The following RAB6B variants were observed in gnomAD, a reference collection of about 807,000 sequenced individuals.
RAB6B encodes RAB6B, member RAS oncogene family.
RAB6B carries 7 observed loss-of-function variants against 31.2 expected under a neutral mutation model. The ratio of observed to expected loss-of-function variants is 0.22; its 90% confidence interval spans 0.13 to 0.42. The LOEUF (loss-of-function observed/expected upper bound fraction) is 0.42. RAB6B is among the 10% of genes least tolerant of loss of function. The pLI is 1.00. For synonymous variants in RAB6B, 105 were observed against 104.9 expected (o/e 1.00, Z -0.01); for missense variants, 149 against 280.6 (o/e 0.53, Z 3.35).
chr3:133,850,331 T>C (rs1935960122), intron 2 of RAB6B, among the ~76,000 whole-genome samples: 1 of 152,082 alleles, frequency 6.6e-6, no homozygotes, highest in South Asian at 2.1e-4. Context: ...AATAAGAAAA[T>C]GTCAGCCATA....
intron 1 of RAB6B, among the ~76,000 whole-genome samples, chr3:133,876,307 G>A (rs747221260): frequency 6.6e-6 from 1 of 152,192 alleles, no homozygotes; most frequent in Non-Finnish European, 1.5e-5. Flanking sequence ...CAGCATAGGA[G>A]CTGTGTCTCC....
rs200646862 is a variant in RAB6B, at chr3:133,864,578, C to T, written c.129+6G>A. On this transcript the variant is annotated splice_donor_region_variant and intron_variant, in intron 2 of 7. Coordinates refer to ENST00000285208, the MANE Select transcript of RAB6B (RefSeq NM_016577.4). ...TGATATGGAGGGTGAGCACCCAGGA[C>T]CTCACCTGGTATGTGTTGTCGAAGC... 5.6e-6 allele frequency: 9 copies of T among 1,613,224 alleles called. No homozygotes were observed. The highest frequency in any genetic ancestry group is 7.6e-6 in the Non-Finnish European group (9 of 1,179,272).
chr3:133,864,548 C>A, intron 2 of RAB6B, 36 bp downstream of exon 2: 1 of 1,601,610 alleles, frequency 6.2e-7, no homozygotes, highest in Non-Finnish European at 8.6e-7. Context: ...TCAGCCACTG[C>A]CAGATGATAT....
intron 1 of RAB6B, among the ~76,000 whole-genome samples, chr3:133,886,639 C>T (rs7634038): frequency 0.095 from 14,439 of 152,158 alleles, 1,311 homozygotes; most frequent in African/African-American, 0.24. Context: ...GGCAGACCTT[C>T]GCTTTCTTTA....
intron 1 of RAB6B, among the ~76,000 whole-genome samples, chr3:133,866,410 T>TC (rs1343348403): frequency 2.6e-5 from 4 of 152,056 alleles, no homozygotes; most frequent in Non-Finnish European, 5.9e-5. Context: ...TTCTGCCAGG[T>TC]CAGGATTCTG....
At chr3:133,840,386 C>T (rs1935807494) in intron 4 of RAB6B, among the ~76,000 whole-genome samples, 1 of 152,212 alleles carries the variant, frequency 6.6e-6, no homozygotes, top group Admixed American at 6.5e-5. Flanking sequence ...GCCTCAGTTT[C>T]ACACAGCCTG....
At chr3:133,839,395 G>A in intron 5 of RAB6B, 111 bp downstream of exon 5, 2 of 921,274 alleles carry the variant, frequency 2.2e-6, no homozygotes, top group South Asian at 1.4e-5. Context: ...TTTTCCGGAT[G>A]CATGGTCAGA....
intron 1 of RAB6B, among the ~76,000 whole-genome samples, chr3:133,872,927 G>T (rs1365065360): frequency 2.6e-5 from 4 of 152,198 alleles, no homozygotes; most frequent in Non-Finnish European, 5.9e-5. Flanking sequence ...TCAAAAGAAG[G>T]TGAGGGAGGG....
chr3:133,889,961 G>A (rs1408201563), intron 1 of RAB6B, among the ~76,000 whole-genome samples: 1 of 152,074 alleles, frequency 6.6e-6, no homozygotes, highest in Admixed American at 6.6e-5. Context: ...TTCTCATCCT[G>A]GTGTCTGTCT....
intron 7 of RAB6B, among the ~76,000 whole-genome samples, chr3:133,832,937 T>C (rs1294628936): frequency 2.0e-5 from 3 of 152,204 alleles, no homozygotes; most frequent in Admixed American, 1.3e-4. Flanking sequence ...CTGACCTGAC[T>C]GTGGGCCCAG....
At chr3:133,874,220 A>T (rs1936362083) in intron 1 of RAB6B, among the ~76,000 whole-genome samples, 1 of 152,240 alleles carries the variant, frequency 6.6e-6, no homozygotes, top group African/African-American at 2.4e-5. Context: ...ATCTATAGTC[A>T]TGCTTTGCTT....
At chr3:133,888,071 A>G (rs1936577014) in intron 1 of RAB6B, among the ~76,000 whole-genome samples, 1 of 152,212 alleles carries the variant, frequency 6.6e-6, no homozygotes, top group Non-Finnish European at 1.5e-5. Context: ...AGTCATGCAC[A>G]GCAGACCTCG....
At position 133,827,870 on chromosome 3, in the gene RAB6B, C is replaced by CTT. The variant is rs1437138707; in HGVS notation, c.*916_*917dup. ...AACATCACACACTGAGTTTCTTAGACTTGGCCCAGGCATGTGTACTGACTG... is the reference window on the plus strand; with the variant it reads ...AACATCACACACTGAGTTTCTTAGACTTTTGGCCCAGGCATGTGTACTGACTG... On this transcript the variant is annotated 3_prime_UTR_variant, in exon 8 of 8. Transcript: ENST00000285208. The CTT allele has an allele frequency of 3.0e-6, 2 of 677,326 alleles. No homozygotes were observed. The highest frequency in any genetic ancestry group is 3.0e-5 in the South Asian group (2 of 67,236). 42.0% of individuals were successfully genotyped at this position (677,326 alleles called of 1,614,324 possible).
intron 1 of RAB6B, among the ~76,000 whole-genome samples, chr3:133,876,554 A>G (rs2108010321): frequency 6.6e-6 from 1 of 152,352 alleles, no homozygotes; most frequent in African/African-American, 2.4e-5. Flanking sequence ...TGCTTACAAA[A>G]AAAATCTTGA....
At chr3:133,853,872 C>T (rs1470647368) in intron 2 of RAB6B, among the ~76,000 whole-genome samples, 1 of 152,120 alleles carries the variant, frequency 6.6e-6, no homozygotes, top group African/African-American at 2.4e-5. Context: ...TATTAGTGAC[C>T]GACTGACCTA....
intron 1 of RAB6B, among the ~76,000 whole-genome samples, chr3:133,870,724 G>A (rs1483598983): frequency 6.6e-6 from 1 of 152,212 alleles, no homozygotes; most frequent in Non-Finnish European, 1.5e-5. Context: ...TGCCAGCACT[G>A]CATTCAGAAA....
rs958354607 is a variant in RAB6B at position 133,827,758 on chromosome 3, C to A, written c.*1030G>T. On this transcript the variant is annotated 3_prime_UTR_variant, in exon 8 of 8. Coordinates refer to ENST00000285208, the MANE Select transcript of RAB6B (RefSeq NM_016577.4). ...TTCTGCAGACAACACCCCCCCCCCC[C>A]CCCGCCTCCCCATCACAGAGGATCA... 3 of 106,958 alleles carry A rather than the reference C, an allele frequency of 2.8e-5. No homozygotes were observed. The highest frequency in any genetic ancestry group is 2.6e-4 in the South Asian group (1 of 3,828). The allele number at this position is 106,958 out of a possible 1,614,324, so 6.6% of individuals were successfully genotyped here.
At chr3:133,842,408 C>G (rs561670974) in intron 2 of RAB6B, among the ~76,000 whole-genome samples, 1 of 152,342 alleles carries the variant, frequency 6.6e-6, no homozygotes, top group South Asian at 2.1e-4. Context: ...CTCACAGGCA[C>G]CCGGTACCTG....
intron 1 of RAB6B, among the ~76,000 whole-genome samples, chr3:133,876,028 T>G (rs1469224480): frequency 6.6e-6 from 1 of 152,176 alleles, no homozygotes; most frequent in Non-Finnish European, 1.5e-5. Flanking sequence ...CAGAATAAAG[T>G]AGCTATGTAT....
Sources: gnomAD v4.1 joint callset for allele counts (sites outside exome capture counted in the v4.1 genomes callset) on GRCh38, gnomAD v4.1.1 for gene constraint, MANE v1.5 for transcripts, NCBI Gene and HGNC (gene_info 2026-07-23, HGNC 2026-07-21) for gene names.